The following SPATA6 variants were observed in gnomAD, a reference collection of about 807,000 sequenced individuals.
SPATA6 encodes the protein spermatogenesis-associated protein 6.
In SPATA6, 56 loss-of-function variants were observed where a neutral mutation model predicts 65.3. That is an observed-to-expected ratio of 0.86 (90% CI 0.69 to 1.07). SPATA6 has a LOEUF of 1.07. Among genes scored for constraint, SPATA6 ranks in the 50% least tolerant of loss-of-function variants. The probability of loss-of-function intolerance (pLI) is 0.00; values close to 1 mark genes in which losing one functional copy is unlikely to be tolerated. For missense variants in SPATA6, 590 were observed against 594.8 expected, an observed-to-expected ratio of 0.99 and a Z score of 0.08; for synonymous variants, 199 against 213.2, an observed-to-expected ratio of 0.93 and a Z score of 0.58.
At chr1:48,356,846 A>G (rs907821728) in intron 10 of SPATA6, among the ~76,000 whole-genome samples, 2 of 152,122 alleles carry the variant, frequency 1.3e-5, no homozygotes, top group Non-Finnish European at 2.9e-5. Context: ...AAACTACTAA[A>G]CAGGATAAAT....
At chr1:48,344,481 G>A (rs1319975548) in intron 11 of SPATA6, among the ~76,000 whole-genome samples, 7 of 151,940 alleles carry the variant, frequency 4.6e-5, no homozygotes, top group Admixed American at 1.3e-4. Flanking sequence ...CATAGTCTGC[G>A]AGATAAGCAG....
chr1:48,261,930 AC>A, the SPATA6 span, among the ~76,000 whole-genome samples: 1 of 152,074 alleles, frequency 6.6e-6, no homozygotes, highest in Non-Finnish European at 1.5e-5. Context: ...ACTCTAACTT[AC>A]CAGAGTACTA....
At chr1:48,310,579 G>A (rs892608736) in intron 11 of SPATA6, among the ~76,000 whole-genome samples, 7 of 152,150 alleles carry the variant, frequency 4.6e-5, no homozygotes, top group African/African-American at 9.7e-5. Flanking sequence ...TTACTCTCAT[G>A]CTGTATTTGT....
At chr1:48,398,733 T>G (rs1191058680) in intron 7 of SPATA6, among the ~76,000 whole-genome samples, 1 of 151,778 alleles carries the variant, frequency 6.6e-6, no homozygotes, top group Non-Finnish European at 1.5e-5. Flanking sequence ...CCCTTAAATT[T>G]AGCCAAAGTC....
intron 3 of SPATA6, among the ~76,000 whole-genome samples, chr1:48,418,030 A>G (rs1404888065): frequency 6.6e-6 from 1 of 152,090 alleles, no homozygotes; most frequent in Non-Finnish European, 1.5e-5. Flanking sequence ...ACTAAAATGG[A>G]TGTTCTTTTA....
chr1:48,374,103 T>C (rs1407714287), intron 9 of SPATA6, among the ~76,000 whole-genome samples: 1 of 152,214 alleles, frequency 6.6e-6, no homozygotes. Flanking sequence ...GAAATGTCTC[T>C]GCCACATTCA....
intron 11 of SPATA6, among the ~76,000 whole-genome samples, chr1:48,355,138 A>G (rs1359496782): frequency 6.6e-6 from 1 of 152,150 alleles, no homozygotes; most frequent in African/African-American, 2.4e-5. Flanking sequence ...TGTCATTTAT[A>G]TGAATGCTTA....
chr1:48,349,849 G>C (rs1476651389), intron 11 of SPATA6, among the ~76,000 whole-genome samples: 1 of 151,818 alleles, frequency 6.6e-6, no homozygotes, highest in South Asian at 2.1e-4. Flanking sequence ...ACATGCCATA[G>C]TTTGTTCACC....
intron 11 of SPATA6, among the ~76,000 whole-genome samples, chr1:48,345,740 G>C (rs1217519707): frequency 6.6e-6 from 1 of 152,032 alleles, no homozygotes; most frequent in Non-Finnish European, 1.5e-5. Flanking sequence ...TGAAAATAAA[G>C]AAGAAATAGA....
chr1:48,436,599 G>A (rs1654959783), intron 3 of SPATA6: 1 of 1,613,524 alleles, frequency 6.2e-7, no homozygotes. Flanking sequence ...GTTTGGTTAA[G>A]CATGGACAGA....
intron 11 of SPATA6, among the ~76,000 whole-genome samples, chr1:48,317,413 A>T (rs1557552506): frequency 6.6e-6 from 1 of 152,166 alleles, no homozygotes; most frequent in Admixed American, 6.5e-5. Flanking sequence ...CATTCTCAGC[A>T]AACTATTGCA....
chr1:48,383,381 G>A (rs1197175257), intron 9 of SPATA6, among the ~76,000 whole-genome samples: 1 of 54,596 alleles, frequency 1.8e-5, no homozygotes, highest in Admixed American at 1.8e-4. Context: ...CGGATGGGGC[G>A]GCTGGCCAGG....
chr1:48,281,976 C>G, the SPATA6 span, among the ~76,000 whole-genome samples: 9 of 152,040 alleles, frequency 5.9e-5, no homozygotes, highest in Non-Finnish European at 8.8e-5. Context: ...GTACTGGTAC[C>G]AAAACAGAGA....
chr1:48,292,317 G>C (rs141457721), downstream of SPATA6, among the ~76,000 whole-genome samples: 412 of 152,296 alleles, frequency 2.7e-3, 1 homozygote, highest in Non-Finnish European at 5.0e-3. Flanking sequence ...GGACAGGAGT[G>C]GTGGCACAGG....
intron 11 of SPATA6, among the ~76,000 whole-genome samples, chr1:48,339,008 T>C (rs1646134172): frequency 6.6e-6 from 1 of 152,144 alleles, no homozygotes; most frequent in Middle Eastern, 3.4e-3. Flanking sequence ...CTGGTAATTA[T>C]GCAGAGACAC....
chr1:48,280,998 C>A, the SPATA6 span, among the ~76,000 whole-genome samples: 1 of 152,104 alleles, frequency 6.6e-6, no homozygotes, highest in African/African-American at 2.4e-5. Flanking sequence ...ATCAAGTGGG[C>A]TTCATCCCTG....
At chr1:48,441,714 G>A (rs770333979) in intron 3 of SPATA6, among the ~76,000 whole-genome samples, 2 of 152,130 alleles carry the variant, frequency 1.3e-5, no homozygotes, top group Admixed American at 6.5e-5. Flanking sequence ...ACAACCAGTG[G>A]CATACCTAAG....
intron 11 of SPATA6, among the ~76,000 whole-genome samples, chr1:48,353,651 C>A (rs777078681): frequency 2.0e-5 from 3 of 151,808 alleles, no homozygotes; most frequent in African/African-American, 7.2e-5. Context: ...CCAATGACAT[C>A]GCTTCAAAAT....
chr1:48,465,891 TTG>T (rs1253370888), intron 1 of SPATA6, among the ~76,000 whole-genome samples: 2 of 152,164 alleles, frequency 1.3e-5, no homozygotes, highest in African/African-American at 4.8e-5. Flanking sequence ...TAAAAAGACT[TTG>T]TGTTTATAAA....
Sources: gnomAD v4.1 joint callset for allele counts (sites outside exome capture counted in the v4.1 genomes callset) on GRCh38, gnomAD v4.1.1 for gene constraint, MANE v1.5 for transcripts, NCBI Gene and HGNC (gene_info 2026-07-23, HGNC 2026-07-21) for gene names.